Variants in WNT5B observed in about 807,000 individuals in gnomAD.
The protein encoded by WNT5B is protein Wnt-5b.
A neutral mutation model predicts 36.5 loss-of-function variants in WNT5B; 18 were observed. The observed-to-expected ratio is 0.49, with a 90% CI of 0.34 to 0.73. The LOEUF (loss-of-function observed/expected upper bound fraction) is 0.73. Among genes scored for constraint, WNT5B ranks in the 30% least tolerant of loss-of-function variants. The pLI is 0.01. For synonymous variants in WNT5B, 213 were observed against 212.3 expected, an observed-to-expected ratio of 1.00 and a Z score of -0.03; for missense variants, 424 against 508.4, an observed-to-expected ratio of 0.83 and a Z score of 1.60.
chr12:1,619,945 A>G (rs2094531648), intron 1 of WNT5B, among the ~76,000 whole-genome samples: 1 of 152,252 alleles, frequency 6.6e-6, no homozygotes, highest in Non-Finnish European at 1.5e-5. Flanking sequence ...AAAAATAAAA[A>G]AGGTCACATG....
At chr12:1,642,832 C>A (rs900653517) in intron 4 of WNT5B, among the ~76,000 whole-genome samples, 1 of 152,188 alleles carries the variant, frequency 6.6e-6, no homozygotes, top group Non-Finnish European at 1.5e-5. Context: ...AGGCCCCACA[C>A]CTCTCCTCTT....
chr12:1,635,995 C>G (rs1052697649), intron 3 of WNT5B, among the ~76,000 whole-genome samples: 2 of 152,196 alleles, frequency 1.3e-5, no homozygotes, highest in African/African-American at 4.8e-5. Flanking sequence ...AGAGATTTCT[C>G]TAGACCTCTC....
Position 1,645,755 on chromosome 12 carries a change from G to A in WNT5B, c.622-39G>A, listed in dbSNP as rs370880259. ...AGCCACCCTCTGGGCCTCTTCCACCGGGATCCTCCTTCTTACTGCCTTCTT... is the reference window on the plus strand; with the variant it reads ...AGCCACCCTCTGGGCCTCTTCCACCAGGATCCTCCTTCTTACTGCCTTCTT... On this transcript the variant is annotated intron_variant, in intron 4 of 4. Transcript: ENST00000397196. 199 of 1,534,908 alleles carry A rather than the reference G, an allele frequency of 1.3e-4. 3 individuals carry two copies. In the South Asian group the frequency reaches 2.0e-3, roughly 15 times the overall value.
chr12:1,632,096 G>A lies in WNT5B; in HGVS notation c.81-562G>A, dbSNP rs527378762. Reference sequence around the variant, plus strand: ...TGAGACATGGCAGTGAAAACAAGTAGACTAGATCGTGATGTATGTAAAGTG... The same window carrying A: ...TGAGACATGGCAGTGAAAACAAGTAAACTAGATCGTGATGTATGTAAAGTG... On this transcript the variant is annotated intron_variant, in intron 2 of 4. Transcript: ENST00000397196. The surrounding 1 kb of genome is among the most constrained non-coding windows in gnomAD (Gnocchi z 5.8). 6.6e-6 allele frequency among the ~76,000 whole-genome samples: 1 copy of A among 152,312 alleles called. No individual in the cohort carries two copies. The highest frequency in any genetic ancestry group is 6.5e-5 in the Admixed American group (1 of 15,304).
chr12:1,625,912 C>T (rs1423767936), upstream of WNT5B, among the ~76,000 whole-genome samples: 1 of 152,030 alleles, frequency 6.6e-6, no homozygotes, highest in Non-Finnish European at 1.5e-5. Flanking sequence ...ATCCACCTGC[C>T]TCAGCCTCCC....
At chr12:1,640,953 CTCT>C (rs1407566339) in intron 4 of WNT5B, among the ~76,000 whole-genome samples, 1 of 152,242 alleles carries the variant, frequency 6.6e-6, no homozygotes, top group Non-Finnish European at 1.5e-5. Flanking sequence ...TGGTGAGAGG[CTCT>C]TTCTCCTGGA....
chr12:1,629,661 C>T (rs771816680), intron 1 of WNT5B, among the ~76,000 whole-genome samples: 1 of 152,060 alleles, frequency 6.6e-6, no homozygotes, highest in Non-Finnish European at 1.5e-5. Context: ...AAGCTTTTCT[C>T]TCGTCCTCCC....
At chr12:1,638,803 T>C (rs1459694537) in intron 3 of WNT5B, among the ~76,000 whole-genome samples, 2 of 152,194 alleles carry the variant, frequency 1.3e-5, no homozygotes, top group South Asian at 2.1e-4. Flanking sequence ...GCTTGGATTT[T>C]TCTAGACATT....
Position 1,644,787 on chromosome 12 carries a change from TCTTG to T in WNT5B, c.622-1003_622-1000del, listed in dbSNP as rs2094582197. ...CTCTGTAAGCAGCTTTCTGGTCTGC[TCTTG>T]CTTTTACATTTTGATTTGGGATAAC... is the stretch of plus-strand genomic sequence containing the variant. On this transcript the variant is annotated intron_variant, in intron 4 of 4. Coordinates refer to ENST00000397196, the MANE Select transcript of WNT5B (RefSeq NM_032642.3). The surrounding 1 kb of genome is among the most constrained non-coding windows in gnomAD (Gnocchi z 5.1). 2 of 152,264 alleles carry T rather than the reference TCTTG, an allele frequency of 1.3e-5. No individual in the cohort carries two copies. The highest frequency in any genetic ancestry group is 1.3e-4 in the Admixed American group (2 of 15,288). The allele number at this position is 152,264 out of a possible 1,614,324, so 9.4% of individuals were successfully genotyped here.
intron 3 of WNT5B, among the ~76,000 whole-genome samples, chr12:1,634,243 C>T (rs1436274292): frequency 6.6e-6 from 1 of 152,164 alleles, no homozygotes; most frequent in East Asian, 1.9e-4. Context: ...TGATTCTTCT[C>T]AAACCCACCT....
At chr12:1,626,925 G>GCTTTT (rs754964983), upstream of WNT5B, among the ~76,000 whole-genome samples, 3 of 152,240 alleles carry the variant, frequency 2.0e-5, no homozygotes, top group East Asian at 5.8e-4. Context: ...AAGTAAGAGT[G>GCTTTT]CTTTTCTTTT....
intron 1 of WNT5B, among the ~76,000 whole-genome samples, chr12:1,619,791 G>C (rs558576063): frequency 4.6e-5 from 7 of 152,062 alleles, no homozygotes; most frequent in Non-Finnish European, 1.0e-4. Context: ...GGCACTGCGA[G>C]AGCAATACCC....
At chr12:1,623,177 G>GTTTTTTTTT (rs1565603144) in intron 1 of WNT5B, among the ~76,000 whole-genome samples, 4 of 98,188 alleles carry the variant, frequency 4.1e-5, no homozygotes, top group African/African-American at 1.7e-4. Context: ...CCTTTGAAGG[G>GTTTTTTTTT]TTTTTTGTTG....
intron 3 of WNT5B, among the ~76,000 whole-genome samples, chr12:1,635,142 A>T (rs2094558332): frequency 6.6e-6 from 1 of 152,216 alleles, no homozygotes; most frequent in South Asian, 2.1e-4. Context: ...AGCTGCCCAC[A>T]CTCAGCTTCT....
chr12:1,626,793 C>G (rs531312028), upstream of WNT5B, among the ~76,000 whole-genome samples: 74 of 151,338 alleles, frequency 4.9e-4, no homozygotes, highest in African/African-American at 1.7e-3. Flanking sequence ...TCTCGATCTC[C>G]TGACCTCATG....
intron 1 of WNT5B, among the ~76,000 whole-genome samples, chr12:1,621,711 T>TA (rs2094534037): frequency 1.3e-5 from 2 of 150,190 alleles, no homozygotes; most frequent in African/African-American, 4.9e-5. Context: ...CCAGCTATTT[T>TA]TTTTTTTTTT....
upstream of WNT5B, among the ~76,000 whole-genome samples, chr12:1,625,104 C>G (rs4766398): frequency 0.53 from 79,938 of 151,700 alleles, 21,346 homozygotes; most frequent in Non-Finnish European, 0.56. Context: ...AGTAGAAGGA[C>G]ATTGGAAAAG....
At chr12:1,642,614 G>A (rs2094577599) in intron 4 of WNT5B, among the ~76,000 whole-genome samples, 1 of 152,182 alleles carries the variant, frequency 6.6e-6, no homozygotes, top group African/African-American at 2.4e-5. Flanking sequence ...TTGTGGCTCT[G>A]CTGAGCTGCG....
rs1417681047 is a variant in WNT5B at position 1,630,327 on chromosome 12, A to T, written c.-58+956A>T. On this transcript the variant is annotated intron_variant, in intron 1 of 4. Transcript: ENST00000397196. The surrounding 1 kb of genome is among the most constrained non-coding windows in gnomAD (Gnocchi z 5.3). ...GCAGGGGCCGTGTGTCCCGAGGCGCAGGCTCGCTCTAGCAGCACTGACCTG... is the reference window on the plus strand; with the variant it reads ...GCAGGGGCCGTGTGTCCCGAGGCGCTGGCTCGCTCTAGCAGCACTGACCTG... 2.6e-6 allele frequency: 2 copies of T among 758,794 alleles called. No homozygotes were observed. The highest frequency in any genetic ancestry group is 3.8e-5 in the African/African-American group (2 of 52,620). The allele number at this position is 758,794 out of a possible 1,614,324, so 47.0% of individuals were successfully genotyped here.
Sources: allele counts gnomAD v4.1 joint callset (sites outside exome capture counted in the v4.1 genomes callset), GRCh38; gene constraint gnomAD v4.1.1; non-coding constraint Gnocchi (gnomAD v3.1); transcripts MANE v1.5; gene names NCBI Gene and HGNC (gene_info 2026-07-23, HGNC 2026-07-21).